The following ASIC2 variants were observed in gnomAD, a reference collection of about 807,000 sequenced individuals.
ASIC2 encodes the protein acid-sensing ion channel 2.
In ASIC2, 25 loss-of-function variants were observed where a neutral mutation model predicts 57.3. The observed-to-expected ratio is 0.44, with a 90% CI of 0.32 to 0.61. The LOEUF (loss-of-function observed/expected upper bound fraction) is 0.61, where lower values mean the gene tolerates loss of function less well. ASIC2 is among the 20% of genes least tolerant of loss of function. ASIC2 has a pLI of 0.06. For synonymous variants in ASIC2, 319 were observed against 307.5 expected (o/e 1.04, Z -0.39); for missense variants, 641 against 738.1 (o/e 0.87, Z 1.52).
At chr17:33,638,480 A>G (rs1906443405) in intron 1 of ASIC2, among the ~76,000 whole-genome samples, 1 of 152,240 alleles carries the variant, frequency 6.6e-6, no homozygotes, top group African/African-American at 2.4e-5. Context: ...GCTCTGATCG[A>G]TGAGTGTTGT....
At chr17:33,645,216 A>G (rs1906703055) in intron 1 of ASIC2, among the ~76,000 whole-genome samples, 1 of 152,214 alleles carries the variant, frequency 6.6e-6, no homozygotes, top group Non-Finnish European at 1.5e-5. Context: ...CCGTAAATAA[A>G]TGGCAAATCT....
At chr17:33,629,737 G>A (rs1487844890) in intron 1 of ASIC2, among the ~76,000 whole-genome samples, 1 of 152,200 alleles carries the variant, frequency 6.6e-6, no homozygotes, top group Admixed American at 6.5e-5. Context: ...AGTGATAGAG[G>A]TGCTGCTCAG....
chr17:33,992,223 A>G (rs1404878235), intron 1 of ASIC2, among the ~76,000 whole-genome samples: 1 of 152,242 alleles, frequency 6.6e-6, no homozygotes, highest in Non-Finnish European at 1.5e-5. Flanking sequence ...TAGACTAAGT[A>G]AAATTCTGAT....
chr17:33,169,136 C>T (rs971648080), intron 1 of ASIC2, among the ~76,000 whole-genome samples: 1 of 152,194 alleles, frequency 6.6e-6, no homozygotes, highest in African/African-American at 2.4e-5. Flanking sequence ...TCTGCTGCCC[C>T]AGCTATGGCT....
intron 3 of ASIC2, among the ~76,000 whole-genome samples, chr17:33,083,289 A>T (rs980889415): frequency 6.6e-6 from 1 of 152,142 alleles, no homozygotes; most frequent in African/African-American, 2.4e-5. Flanking sequence ...GAGAGGCAAA[A>T]GAAGGCAGTT....
chr17:33,231,492 C>T (rs1597641873), intron 1 of ASIC2, among the ~76,000 whole-genome samples: 1 of 152,064 alleles, frequency 6.6e-6, no homozygotes, highest in African/African-American at 2.4e-5. Context: ...TCTGGTTGCC[C>T]CTAGCTTGTG....
chr17:33,213,895 G>A (rs1055435016), intron 1 of ASIC2, among the ~76,000 whole-genome samples: 1 of 152,192 alleles, frequency 6.6e-6, no homozygotes, highest in Non-Finnish European at 1.5e-5. Flanking sequence ...CTCACAAGTT[G>A]AGAGAATAAC....
intron 1 of ASIC2, among the ~76,000 whole-genome samples, chr17:33,996,268 TG>T (rs1425013484): frequency 6.6e-6 from 1 of 152,212 alleles, no homozygotes; most frequent in African/African-American, 2.4e-5. Context: ...ATCAGATGTA[TG>T]GTTTGCAAAT....
chr17:33,271,574 C>T lies in ASIC2; in HGVS notation c.708+19834G>A, dbSNP rs1904493499. On this transcript the variant is annotated intron_variant, in intron 1 of 9. Transcript: ENST00000225823. The stretch of plus-strand genomic sequence containing the variant: ...TCAGGCCCACAACCTGGGAGTTATT[C>T]TTGAGCCCTGCTTTTATCACCCTCT... Among the ~76,000 whole-genome samples the T allele has an allele frequency of 2.6e-5, 4 of 152,308 alleles. No homozygotes were observed. The South Asian group carries it at 6.2e-4, about 24-fold the overall frequency.
Position 33,143,739 on chromosome 17 carries a change from C to CAA in ASIC2, c.709-31674_709-31673dup, listed in dbSNP as rs75644661. Among the ~76,000 whole-genome samples, 756 of 152,158 alleles carry CAA rather than the reference C, an allele frequency of 5.0e-3. 6 individuals are homozygous for CAA. The highest frequency in any genetic ancestry group is 0.017 in the African/African-American group (689 of 41,500). ...TGGCATTTGGATAATCCAATTTTTC[C>CAA]AAAAAAACCCCCATAAAACAAAAAA... On this transcript the variant is annotated intron_variant, in intron 1 of 9. Transcript: ENST00000225823.
At chr17:33,398,465 C>A (rs1322421077) in intron 1 of ASIC2, among the ~76,000 whole-genome samples, 1 of 152,094 alleles carries the variant, frequency 6.6e-6, no homozygotes, top group Non-Finnish European at 1.5e-5. Flanking sequence ...ATGATGGTAG[C>A]AGTCATTGTG....
intron 1 of ASIC2, among the ~76,000 whole-genome samples, chr17:33,324,784 G>GA (rs932389315): frequency 1.4e-4 from 21 of 152,112 alleles, no homozygotes; most frequent in African/African-American, 4.8e-4. Context: ...GTCTCCCAAA[G>GA]AAAAAAACCA....
intron 1 of ASIC2, among the ~76,000 whole-genome samples, chr17:33,264,651 A>T (rs888245047): frequency 2.6e-5 from 4 of 152,224 alleles, no homozygotes; most frequent in African/African-American, 9.6e-5. Context: ...TCAGATCAAG[A>T]GCCAAGCGAT....
At chr17:33,377,953 T>C (rs1384653647) in intron 1 of ASIC2, among the ~76,000 whole-genome samples, 1 of 152,220 alleles carries the variant, frequency 6.6e-6, no homozygotes, top group African/African-American at 2.4e-5. Context: ...CACTGAGCAA[T>C]ACCAGTTCAG....
At chr17:33,624,334 T>C (rs1275154338) in intron 1 of ASIC2, among the ~76,000 whole-genome samples, 1 of 152,066 alleles carries the variant, frequency 6.6e-6, no homozygotes, top group Non-Finnish European at 1.5e-5. Context: ...AAAGAGATGG[T>C]GGTGAAGATC....
intron 1 of ASIC2, among the ~76,000 whole-genome samples, chr17:33,924,919 A>G (rs1915793109): frequency 6.6e-6 from 1 of 152,134 alleles, no homozygotes; most frequent in Admixed American, 6.5e-5. Context: ...CATGACAGTC[A>G]CTTCTTGTTT....
At chr17:33,117,246 C>G (rs2092284896) in intron 1 of ASIC2, among the ~76,000 whole-genome samples, 1 of 152,028 alleles carries the variant, frequency 6.6e-6, no homozygotes, top group Non-Finnish European at 1.5e-5. Flanking sequence ...GATCTCGGCT[C>G]ACTACAACCT....
chr17:34,039,033 T>C (rs889221920), intron 1 of ASIC2: 1 of 1,614,170 alleles, frequency 6.2e-7, no homozygotes, highest in Non-Finnish European at 8.5e-7. Flanking sequence ...CCATCTTCTC[T>C]TGTTTTGACT....
intron 1 of ASIC2, among the ~76,000 whole-genome samples, chr17:33,544,743 C>T (rs1056245730): frequency 1.3e-5 from 2 of 151,858 alleles, no homozygotes; most frequent in Admixed American, 6.6e-5. Flanking sequence ...TTAAAATAGC[C>T]CATATATCAC....
Sources: gnomAD v4.1 joint callset for allele counts (sites outside exome capture counted in the v4.1 genomes callset) on GRCh38, gnomAD v4.1.1 for gene constraint, MANE v1.5 for transcripts, NCBI Gene and HGNC (gene_info 2026-07-23, HGNC 2026-07-21) for gene names.